Variants in NEBL observed in about 807,000 individuals in gnomAD.
NEBL encodes nebulette.
Under a neutral mutation model 140.2 loss-of-function variants are expected in NEBL, and 122 were observed. The observed-to-expected ratio is 0.87, with a 90% confidence interval of 0.75 to 1.01. The LOEUF (loss-of-function observed/expected upper bound fraction) is 1.01, where lower values mean the gene tolerates loss of function less well. Ranked by LOEUF, NEBL falls within the 50% of genes least tolerant of loss-of-function variation. The pLI is 0.00. For missense variants in NEBL, 1,365 were observed against 1,231.3 expected (o/e 1.11, Z -1.62); for synonymous variants, 436 against 398.9 (o/e 1.09, Z -1.11).
intron 2 of NEBL, among the ~76,000 whole-genome samples, chr10:21,123,448 T>C (rs147534757): frequency 6.6e-6 from 1 of 152,218 alleles, no homozygotes; most frequent in African/African-American, 2.4e-5. Flanking sequence ...TCAACTTTAT[T>C]CATACACTGA....
At chr10:21,021,404 T>G (rs748273927) in intron 2 of NEBL, among the ~76,000 whole-genome samples, 3 of 152,194 alleles carry the variant, frequency 2.0e-5, no homozygotes, top group Non-Finnish European at 4.4e-5. Context: ...TCTGGCCTCC[T>G]GTCTGCCAAG....
chr10:21,269,800 G>C (rs1408589679), intron 1 of NEBL, among the ~76,000 whole-genome samples: 2 of 152,170 alleles, frequency 1.3e-5, no homozygotes, highest in Admixed American at 6.5e-5. Context: ...CCTCTAAGGT[G>C]GTGGTCTTCC....
At chr10:21,208,187 A>G (rs1193731703) in intron 3 of NEBL, among the ~76,000 whole-genome samples, 1 of 152,194 alleles carries the variant, frequency 6.6e-6, no homozygotes, top group Non-Finnish European at 1.5e-5. Flanking sequence ...TCAAGGTAAG[A>G]TGGATGAAAT....
chr10:21,060,151 A>C (rs4748746), intron 2 of NEBL, among the ~76,000 whole-genome samples: 62,036 of 151,994 alleles, frequency 0.41, 12,732 homozygotes, highest in Middle Eastern at 0.47. Context: ...GGTGCTTCTA[A>C]ATGACAGAAG....
At chr10:21,200,141 C>T (rs980363436) in intron 3 of NEBL, among the ~76,000 whole-genome samples, 5 of 151,930 alleles carry the variant, frequency 3.3e-5, no homozygotes, top group East Asian at 1.9e-4. Context: ...CTGCATTCCT[C>T]GCTACCCTAC....
intron 16 of NEBL, among the ~76,000 whole-genome samples, chr10:20,829,945 A>G (rs1459470632): frequency 6.6e-6 from 1 of 152,214 alleles, no homozygotes; most frequent in Non-Finnish European, 1.5e-5. Flanking sequence ...TGAATTTGGC[A>G]TTCTTGAGAG....
intron 26 of NEBL, among the ~76,000 whole-genome samples, chr10:20,798,833 G>A (rs374729042): frequency 6.6e-6 from 1 of 152,206 alleles, no homozygotes; most frequent in African/African-American, 2.4e-5. Context: ...GCACATCGAT[G>A]AAAGACACAT....
At chr10:21,200,839 G>A (rs1023567927) in intron 3 of NEBL, among the ~76,000 whole-genome samples, 25 of 152,216 alleles carry the variant, frequency 1.6e-4, no homozygotes, top group African/African-American at 5.5e-4. Flanking sequence ...AGGCACAGTG[G>A]CTCACACCTG....
intron 2 of NEBL, among the ~76,000 whole-genome samples, chr10:21,154,394 GGT>G (rs1305911480): frequency 6.7e-6 from 1 of 149,934 alleles, no homozygotes; most frequent in African/African-American, 2.5e-5. Flanking sequence ...GGGAGGTGGA[GGT>G]TGCAATGAGC....
At chr10:20,839,558 T>C (rs1470833890) in intron 13 of NEBL, among the ~76,000 whole-genome samples, 2 of 152,218 alleles carry the variant, frequency 1.3e-5, no homozygotes, top group African/African-American at 4.8e-5. Context: ...TTTTTAATTC[T>C]ACTAAAGTGC....
chr10:21,211,625 T>G (rs766671958), intron 3 of NEBL, among the ~76,000 whole-genome samples: 2 of 152,200 alleles, frequency 1.3e-5, no homozygotes, highest in African/African-American at 4.8e-5. Context: ...GGAAAGCCAA[T>G]GAGCTGCCAT....
intron 26 of NEBL, among the ~76,000 whole-genome samples, chr10:20,805,783 G>T (rs1203613520): frequency 6.6e-6 from 1 of 152,010 alleles, no homozygotes; most frequent in Non-Finnish European, 1.5e-5. Context: ...AACCTGGGAG[G>T]CAGAGGTTGC....
At chr10:21,174,209 G>A (rs960730311), upstream of NEBL, 10 of 216,062 alleles carry the variant, frequency 4.6e-5, no homozygotes, top group African/African-American at 1.9e-4. Flanking sequence ...GGCGCGCCCG[G>A]ACCGAAGTGG....
intron 26 of NEBL, among the ~76,000 whole-genome samples, chr10:20,791,117 C>A (rs995358769): frequency 6.6e-6 from 1 of 152,150 alleles, no homozygotes; most frequent in Non-Finnish European, 1.5e-5. Context: ...TGAAAATACA[C>A]AGAAGTGTGA....
intron 3 of NEBL, among the ~76,000 whole-genome samples, chr10:21,242,200 G>A (rs1011669316): frequency 5.3e-5 from 8 of 150,308 alleles, no homozygotes; most frequent in Non-Finnish European, 1.0e-4. Context: ...GCAAGACCCT[G>A]TCTCAAAAGG....
At chr10:21,201,666 TATTA>T (rs144966852) in intron 3 of NEBL, among the ~76,000 whole-genome samples, 252 of 152,358 alleles carry the variant, frequency 1.7e-3, no homozygotes, top group Non-Finnish European at 3.2e-3. Context: ...ATAGTATTCC[TATTA>T]ATTAACTGAC....
chr10:20,787,223 T>A lies in NEBL; in HGVS notation c.2847A>T (p.Ser949=), dbSNP rs1060504994. Residue 949 remains serine, a synonymous_variant, in exon 27 of 28, where the codon TCA becomes TCT. Coordinates refer to ENST00000377122, the MANE Select transcript of NEBL (RefSeq NM_006393.3). ...MHQTSVSSMR[S]MQHSPNLRTY... is the part of the protein sequence containing the mutation. ...TTACTAGATTTGGTGAATGCTGCAT[T>A]GATCTCATGGATGACACACTGGTCT... 3 of 1,612,702 alleles carry A rather than the reference T, an allele frequency of 1.9e-6. No individual in the cohort carries two copies. The Admixed American group carries it at 5.0e-5, about 27-fold the overall frequency.
chr10:20,882,102 C>A (rs1295199669), intron 4 of NEBL, among the ~76,000 whole-genome samples: 1 of 151,814 alleles, frequency 6.6e-6, no homozygotes, highest in African/African-American at 2.4e-5. Flanking sequence ...TGCCTGATCC[C>A]AGGAGGTCGA....
At chr10:20,839,583 C>T (rs1482944103) in intron 13 of NEBL, among the ~76,000 whole-genome samples, 1 of 152,038 alleles carries the variant, frequency 6.6e-6, no homozygotes, top group African/African-American at 2.4e-5. Context: ...TAAATGTTTC[C>T]TTTATTTAAA....
Sources: allele counts gnomAD v4.1 joint callset (sites outside exome capture counted in the v4.1 genomes callset), GRCh38; gene constraint gnomAD v4.1.1; transcripts MANE v1.5; gene names NCBI Gene and HGNC (gene_info 2026-07-23, HGNC 2026-07-21).